HEPHL1: variants seen among roughly 807,000 people sequenced by gnomAD.
HEPHL1 encodes hephaestin like 1.
A neutral mutation model predicts 122.0 loss-of-function variants in HEPHL1; 123 were observed. The ratio of observed to expected loss-of-function variants is 1.01; its 90% CI spans 0.87 to 1.17. The LOEUF (loss-of-function observed/expected upper bound fraction) is 1.17, where lower values mean the gene tolerates loss of function less well. HEPHL1 is among the 50% of genes most tolerant of loss of function. The pLI, the probability that HEPHL1 is intolerant of heterozygous loss-of-function variation, is 0.00. For missense variants in HEPHL1, 1,452 were observed against 1,430.5 expected (o/e 1.01, Z -0.24); for synonymous variants, 527 against 508.9 (o/e 1.04, Z -0.48).
chr11:94,048,067 T>C (rs1449724014), intron 2 of HEPHL1, among the ~76,000 whole-genome samples: 1 of 152,192 alleles, frequency 6.6e-6, no homozygotes. Flanking sequence ...ACTTCTATTC[T>C]ATTTTCTATG....
chr11:94,051,156 G>A (rs1351162610), intron 2 of HEPHL1, among the ~76,000 whole-genome samples: 1 of 152,036 alleles, frequency 6.6e-6, no homozygotes, highest in Non-Finnish European at 1.5e-5. Context: ...TTAAAATGGG[G>A]TATGTACCCA....
chr11:94,048,971 A>T (rs1341095120), intron 2 of HEPHL1, among the ~76,000 whole-genome samples: 1 of 152,114 alleles, frequency 6.6e-6, no homozygotes, highest in East Asian at 1.9e-4. Context: ...AATACAAAAA[A>T]TTAGCCAGGA....
chr11:94,058,723 T>G (rs551872985), intron 2 of HEPHL1, among the ~76,000 whole-genome samples: 5 of 152,160 alleles, frequency 3.3e-5, no homozygotes, highest in African/African-American at 1.2e-4. Context: ...TAAATTTTAT[T>G]TTTATTTTAT....
intron 2 of HEPHL1, among the ~76,000 whole-genome samples, chr11:94,056,578 A>G (rs1945937782): frequency 6.6e-6 from 1 of 152,064 alleles, no homozygotes. Context: ...TATTACATTT[A>G]CCAACTAAAT....
chr11:94,096,405 C>A (rs2063821300), intron 13 of HEPHL1, among the ~76,000 whole-genome samples: 1 of 152,152 alleles, frequency 6.6e-6, no homozygotes, highest in Admixed American at 6.5e-5. Context: ...TTTTGATGTG[C>A]TGCTGGATTC....
At chr11:94,084,896 A>C (rs1006263723) in intron 10 of HEPHL1, among the ~76,000 whole-genome samples, 1 of 152,236 alleles carries the variant, frequency 6.6e-6, no homozygotes, top group Non-Finnish European at 1.5e-5. Flanking sequence ...TTGCAGACAC[A>C]GAAATATTAG....
chr11:94,111,576 C>T lies in HEPHL1; in HGVS notation c.3248C>T (p.Ala1083Val). 3.7e-6 allele frequency: 6 copies of T among 1,605,990 alleles called. No individual in the cohort carries two copies. The highest frequency in any genetic ancestry group is 5.1e-6 in the Non-Finnish European group (6 of 1,175,902). The change falls in exon 19 of 20, where the codon GCA becomes GTA. Residue 1083 changes from alanine (A) to valine (V), a missense_variant. Ala to Val is a moderately conservative substitution (Grantham distance 64). Coordinates refer to ENST00000315765, the MANE Select transcript of HEPHL1 (RefSeq NM_001098672.2). ...TACTCCACCACATCTCCTGGAGTGG[C>T]ATCTCACCCAGCCACGGTGCCATCT... ...IPYSTTSPGV[A>V]SHPATVPSNE...
chr11:94,067,893 T>A (rs1946047157), intron 5 of HEPHL1, 143 bp downstream of exon 5: 1 of 692,226 alleles, frequency 1.4e-6, no homozygotes, highest in East Asian at 2.7e-5. Context: ...CAGGAAAATA[T>A]AACGCTCATC....
chr11:94,092,195 A>G (rs1180156110), intron 12 of HEPHL1, among the ~76,000 whole-genome samples: 1 of 152,186 alleles, frequency 6.6e-6, no homozygotes, highest in Non-Finnish European at 1.5e-5. Context: ...GTCTCACTGT[A>G]TTTTAGAGAT....
rs940925721 is a variant in HEPHL1, at chr11:94,093,652, A to G, written c.2434+12A>G. On this transcript the variant is annotated intron_variant, in intron 13 of 19. Transcript: ENST00000315765. ...CTTAGAACTCCTGGGTATGGCACAGATTTCAGGCGTGCACTGTCAGCCCCA... is the reference window on the plus strand; with the variant it reads ...CTTAGAACTCCTGGGTATGGCACAGGTTTCAGGCGTGCACTGTCAGCCCCA... The G allele has an allele frequency of 3.1e-6, 5 of 1,610,656 alleles. No homozygotes were observed. Among genetic ancestry groups the G allele is most frequent in the East Asian group, 2.2e-5 (1 of 44,788 alleles).
At chr11:94,074,908 G>A (rs1296100909) in intron 8 of HEPHL1, among the ~76,000 whole-genome samples, 1 of 152,166 alleles carries the variant, frequency 6.6e-6, no homozygotes, top group Non-Finnish European at 1.5e-5. Context: ...GCCACTATCA[G>A]TCTTTTAATA....
At chr11:94,057,712 C>A (rs911017915) in intron 2 of HEPHL1, among the ~76,000 whole-genome samples, 37 of 152,122 alleles carry the variant, frequency 2.4e-4, no homozygotes, top group African/African-American at 8.4e-4. Context: ...GTTGTTTGAA[C>A]ATATTTATTA....
At chr11:94,031,366 ACAC>A (rs1945673922) in intron 1 of HEPHL1, among the ~76,000 whole-genome samples, 2 of 150,348 alleles carry the variant, frequency 1.3e-5, no homozygotes, top group African/African-American at 2.5e-5. Flanking sequence ...ACACACACAC[ACAC>A]AAATGGGATA....
At chr11:94,024,953 T>A (rs1413931408) in intron 1 of HEPHL1, among the ~76,000 whole-genome samples, 2 of 152,210 alleles carry the variant, frequency 1.3e-5, no homozygotes, top group East Asian at 3.9e-4. Flanking sequence ...GTTGTTCTGG[T>A]TGTTTTATCT....
At chr11:94,066,032 A>G (rs1946031225) in intron 4 of HEPHL1, among the ~76,000 whole-genome samples, 1 of 151,744 alleles carries the variant, frequency 6.6e-6, no homozygotes, top group Admixed American at 6.6e-5. Context: ...AAAAATTCAA[A>G]CAAACAACAA....
Position 94,054,064 on chromosome 11 carries a change from A to G in HEPHL1, c.415+8147A>G, listed in dbSNP as rs1336377155. Reference sequence around the variant, plus strand: ...AGAGTTGAGTATTGAAATCTTCAACAATTATTGTTGAGTTGTCTATTTGTT... The same window carrying G: ...AGAGTTGAGTATTGAAATCTTCAACGATTATTGTTGAGTTGTCTATTTGTT... On this transcript the variant is annotated intron_variant, in intron 2 of 19. Transcript: ENST00000315765. Among the ~76,000 whole-genome samples the G allele has an allele frequency of 3.3e-5, 5 of 152,188 alleles. No individual in the cohort carries two copies. In the East Asian group the frequency reaches 9.6e-4, roughly 29 times the overall value.
At chr11:94,033,727 C>T (rs1164920467) in intron 1 of HEPHL1, among the ~76,000 whole-genome samples, 1 of 152,164 alleles carries the variant, frequency 6.6e-6, no homozygotes, top group Admixed American at 6.5e-5. Flanking sequence ...CAAACTCACA[C>T]TTGTTTGTTT....
At position 94,111,714 on chromosome 11, in the gene HEPHL1, C is replaced by T. The variant is rs368142093; in HGVS notation, c.3300C>T (p.Leu1100=). 3.1e-6 allele frequency: 5 copies of T among 1,609,172 alleles called. No individual in the cohort carries two copies. The highest frequency in any genetic ancestry group is 4.2e-6 in the Non-Finnish European group (5 of 1,177,426). Residue 1100 remains leucine (L), a synonymous_variant, in exon 20 of 20, where the codon CTC becomes CTT. Transcript: ENST00000315765. ...CAGAACGACCTGGCAAAGAGCAGCTCTATTTCTTTGGCAAGAATCTGGGTC... is the reference window on the plus strand; with the variant it reads ...CAGAACGACCTGGCAAAGAGCAGCTTTATTTCTTTGGCAAGAATCTGGGTC... ...PSNERPGKEQ[L]YFFGKNLGPT...
intron 18 of HEPHL1, among the ~76,000 whole-genome samples, 195 bp from the exon 19 acceptor site, chr11:94,111,342 T>C (rs535538730): frequency 6.6e-6 from 1 of 151,970 alleles, no homozygotes; most frequent in Non-Finnish European, 1.5e-5. Flanking sequence ...ATAGACTCAG[T>C]GGGTGAGCAG....
Sources: gnomAD v4.1 joint callset for allele counts (sites outside exome capture counted in the v4.1 genomes callset) on GRCh38, gnomAD v4.1.1 for gene constraint, MANE v1.5 for transcripts, NCBI Gene and HGNC (gene_info 2026-07-23, HGNC 2026-07-21) for gene names.